Variants in KCNJ6 observed in about 807,000 individuals in gnomAD.
The protein encoded by KCNJ6 is potassium inwardly rectifying channel subfamily J member 6, also known as G protein-activated inward rectifier potassium channel 2.
In KCNJ6, 9 loss-of-function variants were observed where a neutral mutation model predicts 34.2. The ratio of observed to expected loss-of-function variants is 0.26; its 90% CI spans 0.16 to 0.46. The LOEUF (loss-of-function observed/expected upper bound fraction) is 0.46, where lower values mean the gene tolerates loss of function less well. KCNJ6 is among the 20% of genes least tolerant of loss of function. The pLI is 1.00. For missense variants in KCNJ6, 236 were observed against 531.3 expected (o/e 0.44, Z 5.46); for synonymous variants, 196 against 207.1 (o/e 0.95, Z 0.46).
intron 1 of KCNJ6, among the ~76,000 whole-genome samples, chr21:37,912,637 C>T (rs768455639): frequency 6.6e-6 from 1 of 152,162 alleles, no homozygotes; most frequent in Admixed American, 6.5e-5. Flanking sequence ...TAGGTAGCAA[C>T]CTTTTCATAA....
chr21:37,897,585 C>T (rs1441949154), intron 1 of KCNJ6, among the ~76,000 whole-genome samples: 2 of 152,160 alleles, frequency 1.3e-5, no homozygotes, highest in Non-Finnish European at 2.9e-5. Context: ...CCCATTTCCC[C>T]AAAGCAGACC....
intron 3 of KCNJ6, among the ~76,000 whole-genome samples, chr21:37,643,578 T>C (rs1234432208): frequency 6.6e-6 from 1 of 152,152 alleles, no homozygotes; most frequent in Non-Finnish European, 1.5e-5. Context: ...GACCAATGTG[T>C]GTCAGGGTCT....
chr21:37,914,796 A>T (rs1380333727), intron 1 of KCNJ6, among the ~76,000 whole-genome samples: 1 of 151,934 alleles, frequency 6.6e-6, no homozygotes, highest in Non-Finnish European at 1.5e-5. Context: ...GGCTAGCAGG[A>T]TGTGGCATTG....
At chr21:37,849,049 G>A (rs1189453613) in intron 1 of KCNJ6, among the ~76,000 whole-genome samples, 1 of 152,140 alleles carries the variant, frequency 6.6e-6, no homozygotes, top group Non-Finnish European at 1.5e-5. Flanking sequence ...GACCTATCAG[G>A]AAATTTTCTT....
intron 3 of KCNJ6, among the ~76,000 whole-genome samples, chr21:37,660,510 T>A (rs1158004816): frequency 6.6e-6 from 1 of 152,212 alleles, no homozygotes; most frequent in Non-Finnish European, 1.5e-5. Context: ...CTGATTTTCC[T>A]TTAATGACCT....
intron 2 of KCNJ6, among the ~76,000 whole-genome samples, chr21:37,765,073 ATACT>A (rs149223135): frequency 0.012 from 1,815 of 152,340 alleles, 24 homozygotes; most frequent in Non-Finnish European, 0.014. Context: ...TATAAACTTA[ATACT>A]TAATTATATT....
intron 2 of KCNJ6, among the ~76,000 whole-genome samples, chr21:37,744,736 TA>T (rs1275335224): frequency 6.6e-6 from 1 of 152,208 alleles, no homozygotes; most frequent in Non-Finnish European, 1.5e-5. Flanking sequence ...AGACCAGGCT[TA>T]TTTGGAGTAT....
rs2054274803 is a variant in KCNJ6, at chr21:37,617,169, T to TGTCCTTCC, written c.*7989_*7990insGGAAGGAC. ...CTTCCTTCCTTCTTTCTTTATCTTT[T>TGTCCTTCC]TTCCTTCCTTCCTTCCTTCCTTCCT... On this transcript the variant is annotated 3_prime_UTR_variant, in exon 4 of 4. Transcript: ENST00000609713. 1.1e-5 allele frequency: 1 copy of TGTCCTTCC among 93,876 alleles called. No individual in the cohort carries two copies. The highest frequency in any genetic ancestry group is 2.1e-5 in the Non-Finnish European group (1 of 48,398). 5.8% of individuals were successfully genotyped at this position (93,876 alleles called of 1,614,324 possible).
rs1051423658 is a variant in KCNJ6 at position 37,622,155 on chromosome 21, G to A, written c.*3004C>T. 3.3e-5 allele frequency: 5 copies of A among 152,278 alleles called. No homozygotes were observed. Among genetic ancestry groups the A allele is most frequent in the African/African-American group, 9.6e-5 (4 of 41,546 alleles). The allele number at this position is 152,278 out of a possible 1,614,324, so 9.4% of individuals were successfully genotyped here. On this transcript the variant is annotated 3_prime_UTR_variant, in exon 4 of 4. Coordinates refer to ENST00000609713, the MANE Select transcript of KCNJ6 (RefSeq NM_002240.5). The stretch of plus-strand genomic sequence containing the variant: ...TTATCTGGCTCACGGATCCCACCAT[G>A]CTTTATGGAAAAATGACTCAAATAC...
intron 1 of KCNJ6, among the ~76,000 whole-genome samples, chr21:37,888,131 G>A (rs16995619): frequency 0.024 from 3,677 of 152,326 alleles, 158 homozygotes; most frequent in African/African-American, 0.084. Flanking sequence ...TCTGGACTTA[G>A]TGGGGTTGAT....
chr21:37,842,396 C>T (rs2055485541), intron 1 of KCNJ6, among the ~76,000 whole-genome samples: 1 of 152,198 alleles, frequency 6.6e-6, no homozygotes, highest in African/African-American at 2.4e-5. Flanking sequence ...ATTATTCATC[C>T]TCCTTATGAC....
At chr21:37,844,233 G>A (rs1281948201) in intron 1 of KCNJ6, among the ~76,000 whole-genome samples, 1 of 151,800 alleles carries the variant, frequency 6.6e-6, no homozygotes, top group East Asian at 1.9e-4. Flanking sequence ...TAATTTTTGT[G>A]TTTTTTAGTA....
At chr21:37,830,609 C>A (rs1418986200) in intron 2 of KCNJ6, among the ~76,000 whole-genome samples, 1 of 152,152 alleles carries the variant, frequency 6.6e-6, no homozygotes, top group Non-Finnish European at 1.5e-5. Context: ...AAGCCCAGTT[C>A]ATTCCTTCCC....
At chr21:37,806,302 A>G (rs970768941) in intron 2 of KCNJ6, among the ~76,000 whole-genome samples, 1 of 152,178 alleles carries the variant, frequency 6.6e-6, no homozygotes, top group Non-Finnish European at 1.5e-5. Flanking sequence ...TAGGAAAGAG[A>G]AATGAGCCTC....
intron 2 of KCNJ6, among the ~76,000 whole-genome samples, chr21:37,739,095 A>C (rs1942808417): frequency 6.6e-6 from 1 of 152,230 alleles, no homozygotes; most frequent in African/African-American, 2.4e-5. Context: ...GTAAGTGTTA[A>C]ACACACAGGG....
intron 3 of KCNJ6, among the ~76,000 whole-genome samples, chr21:37,627,199 T>C (rs1326581662): frequency 1.3e-5 from 2 of 152,218 alleles, no homozygotes; most frequent in Admixed American, 1.3e-4. Context: ...CAGCTACAGC[T>C]GTCAGAGCCT....
chr21:37,806,560 A>T (rs928560822), intron 2 of KCNJ6, among the ~76,000 whole-genome samples: 1 of 152,184 alleles, frequency 6.6e-6, no homozygotes, highest in African/African-American at 2.4e-5. Context: ...AGATTTATTG[A>T]TCAGACAGCT....
Position 37,714,501 on chromosome 21 carries a change from C to T in KCNJ6, c.656G>A (p.Cys219Tyr). The change falls in exon 3 of 4, where the codon TGC becomes TAC. Residue 219 changes from cysteine (C) to tyrosine (Y), a missense_variant. Coordinates refer to ENST00000609713, the MANE Select transcript of KCNJ6 (RefSeq NM_002240.5). The surrounding 1 kb of genome is among the most constrained non-coding windows in gnomAD (Gnocchi z 5.9). ...AVISMRDGKL[C>Y]LMFRVGDLRN... ...AAGGTCCCCTACCCGGAACATCAGG[C>T]ACAGTTTCCCATCCCGCATGGAGAT... 6.2e-7 allele frequency: 1 copy of T among 1,614,176 alleles called. No individual in the cohort carries two copies. Among genetic ancestry groups the T allele is most frequent in the Non-Finnish European group, 8.5e-7 (1 of 1,180,034 alleles).
In KCNJ6 at chr21:37,607,482, A is replaced by ATATATATATATATATATATATAT; in HGVS notation, c.*17676_*17677insATATATATATATATATATATATA. ...CTTAAAGATATATATATATATATATATTTTTTTTTTATTTTAAAAAAATTT... is the reference window on the plus strand; with the variant it reads ...CTTAAAGATATATATATATATATATATATATATATATATATATATATATTTTTTTTTTTATTTTAAAAAAATTT... On this transcript the variant is annotated 3_prime_UTR_variant, in exon 4 of 4. Coordinates refer to ENST00000609713, the MANE Select transcript of KCNJ6 (RefSeq NM_002240.5). 115 of 136,726 alleles carry ATATATATATATATATATATATAT rather than the reference A, an allele frequency of 8.4e-4. 1 individual carries two copies. Among genetic ancestry groups the ATATATATATATATATATATATAT allele is most frequent in the Non-Finnish European group, 1.5e-3 (96 of 64,736 alleles). 8.5% of individuals were successfully genotyped at this position (136,726 alleles called of 1,614,324 possible). A position where few individuals can be genotyped will look rare whatever the true frequency, so the allele number is the denominator to read the frequency against.
Sources: allele counts gnomAD v4.1 joint callset (sites outside exome capture counted in the v4.1 genomes callset), GRCh38; gene constraint gnomAD v4.1.1; non-coding constraint Gnocchi (gnomAD v3.1); transcripts MANE v1.5; gene names NCBI Gene and HGNC (gene_info 2026-07-23, HGNC 2026-07-21).